Variants in DYM observed in about 807,000 individuals in gnomAD.
DYM encodes dymeclin.
DYM carries 78 observed loss-of-function variants against 93.1 expected under a neutral mutation model. The ratio of observed to expected loss-of-function variants is 0.84; its 90% CI spans 0.70 to 1.01. The LOEUF (loss-of-function observed/expected upper bound fraction) is 1.01. Ranked by LOEUF, DYM falls within the 50% of genes least tolerant of loss-of-function variation. DYM has a pLI of 0.00. For missense variants in DYM, 789 were observed against 845.0 expected (o/e 0.93, Z 0.82); for synonymous variants, 321 against 319.7 (o/e 1.00, Z -0.04).
In DYM at chr18:49,184,544, T is replaced by C. The variant is rs113229182; in HGVS notation, c.1626-20757A>G. Among the ~76,000 whole-genome samples, 1,252 of 152,268 alleles carry C rather than the reference T, an allele frequency of 8.2e-3. 24 individuals carry two copies. The highest frequency in any genetic ancestry group is 0.025 in the African/African-American group (1,030 of 41,550). On this transcript the variant is annotated intron_variant, in intron 14 of 17. Transcript: ENST00000675505. ...GATACATTCTAAGACCCCCAGTGGA[T>C]TCCCAAAACCATGGATAGTAGCAAA... is the stretch of plus-strand genomic sequence containing the variant.
intron 13 of DYM, among the ~76,000 whole-genome samples, chr18:49,225,874 T>C (rs1055242383): frequency 3.3e-5 from 5 of 152,170 alleles, no homozygotes; most frequent in African/African-American, 1.2e-4. Context: ...TATAATATCT[T>C]TGTCAAATTA....
intron 15 of DYM, among the ~76,000 whole-genome samples, chr18:49,145,506 T>A (rs1677547921): frequency 6.6e-6 from 1 of 152,204 alleles, no homozygotes; most frequent in Admixed American, 6.5e-5. Flanking sequence ...TCGAGTTTCA[T>A]TCCTCTTTCA....
At chr18:49,375,398 A>AT (rs911277343) in intron 5 of DYM, among the ~76,000 whole-genome samples, 2 of 152,068 alleles carry the variant, frequency 1.3e-5, no homozygotes, top group Admixed American at 6.5e-5. Flanking sequence ...GAAATTTAAC[A>AT]TTTTTTTAAC....
At chr18:49,195,108 G>A (rs1647257498) in intron 14 of DYM, among the ~76,000 whole-genome samples, 1 of 151,942 alleles carries the variant, frequency 6.6e-6, no homozygotes, top group African/African-American at 2.4e-5. Context: ...CAGAGTAAAT[G>A]TTACTTTATG....
intron 6 of DYM, among the ~76,000 whole-genome samples, chr18:49,348,539 C>A (rs2064812261): frequency 6.6e-6 from 1 of 151,908 alleles, no homozygotes; most frequent in Non-Finnish European, 1.5e-5. Flanking sequence ...CATTACCTAT[C>A]AACTTCATCA....
intron 1 of DYM, among the ~76,000 whole-genome samples, chr18:49,445,885 T>C (rs992712005): frequency 3.9e-5 from 6 of 152,106 alleles, no homozygotes; most frequent in Non-Finnish European, 7.4e-5. Context: ...CATGGTGAAG[T>C]ACTCACCAGC....
chr18:49,080,486 G>A (rs1207774227), intron 17 of DYM, among the ~76,000 whole-genome samples: 14 of 135,388 alleles, frequency 1.0e-4, no homozygotes, highest in South Asian at 7.5e-4. Context: ...CTCACCTCCC[G>A]GACGGGGCGG....
chr18:49,254,861 T>A (rs746421440), intron 13 of DYM, among the ~76,000 whole-genome samples: 18 of 152,098 alleles, frequency 1.2e-4, no homozygotes, highest in Non-Finnish European at 2.4e-4. Context: ...ATTAACTCTG[T>A]TATGGTGAAA....
chr18:49,216,419 C>G (rs184486317), intron 13 of DYM, among the ~76,000 whole-genome samples: 86 of 152,326 alleles, frequency 5.6e-4, no homozygotes, highest in African/African-American at 2.0e-3. Context: ...AAGCACACAG[C>G]TGGAGATCTG....
At chr18:49,284,288 C>T (rs905669240) in intron 9 of DYM, among the ~76,000 whole-genome samples, 2 of 152,152 alleles carry the variant, frequency 1.3e-5, no homozygotes, top group African/African-American at 4.8e-5. Context: ...TCAAACATGT[C>T]ATTATTCTGA....
At chr18:49,317,623 C>T (rs1345751159) in intron 8 of DYM, among the ~76,000 whole-genome samples, 18 of 35,752 alleles carry the variant, frequency 5.0e-4, no homozygotes, top group African/African-American at 9.2e-4. Flanking sequence ...CTCCCTCCCT[C>T]CCTCCCTCTC....
At chr18:49,299,784 C>T (rs566750476) in intron 8 of DYM, among the ~76,000 whole-genome samples, 1 of 152,080 alleles carries the variant, frequency 6.6e-6, no homozygotes, top group East Asian at 1.9e-4. Flanking sequence ...TGGCTCACGC[C>T]TGTAATCCCA....
At chr18:49,264,005 A>G (rs2094530900) in intron 11 of DYM, among the ~76,000 whole-genome samples, 1 of 151,922 alleles carries the variant, frequency 6.6e-6, no homozygotes, top group Non-Finnish European at 1.5e-5. Context: ...AAATGTTAGT[A>G]TTCTTGCTTC....
chr18:49,236,785 A>T (rs1000188792), intron 13 of DYM, among the ~76,000 whole-genome samples: 2 of 152,188 alleles, frequency 1.3e-5, no homozygotes, highest in Non-Finnish European at 2.9e-5. Flanking sequence ...CCAGCCTCTG[A>T]GGTAGAGGAT....
intron 5 of DYM, among the ~76,000 whole-genome samples, chr18:49,372,024 A>G (rs2067088563): frequency 6.6e-6 from 1 of 152,258 alleles, no homozygotes; most frequent in East Asian, 1.9e-4. Context: ...GAATAAGCCA[A>G]CATACCTAAG....
intron 10 of DYM, among the ~76,000 whole-genome samples, chr18:49,276,469 G>C (rs991217667): frequency 6.6e-6 from 1 of 151,938 alleles, no homozygotes; most frequent in Non-Finnish European, 1.5e-5. Flanking sequence ...CTTTAATTCT[G>C]AAAGAACTAT....
chr18:49,281,256 C>A (rs549696208), intron 10 of DYM, among the ~76,000 whole-genome samples: 1 of 152,308 alleles, frequency 6.6e-6, no homozygotes, highest in South Asian at 2.1e-4. Context: ...CAATGAGATA[C>A]CATCTCACAC....
At chr18:49,351,691 T>C (rs1242588375) in intron 6 of DYM, among the ~76,000 whole-genome samples, 1 of 152,020 alleles carries the variant, frequency 6.6e-6, no homozygotes, top group Non-Finnish European at 1.5e-5. Context: ...TTCAAAACTC[T>C]AGGGAATACT....
At chr18:49,215,198 A>G (rs1011706034) in intron 13 of DYM, among the ~76,000 whole-genome samples, 5 of 152,240 alleles carry the variant, frequency 3.3e-5, no homozygotes, top group African/African-American at 4.8e-5. Context: ...CAGTCTTTAA[A>G]TAGATGAGGA....
Sources: gnomAD v4.1 joint callset for allele counts (sites outside exome capture counted in the v4.1 genomes callset) on GRCh38, gnomAD v4.1.1 for gene constraint, MANE v1.5 for transcripts, NCBI Gene and HGNC (gene_info 2026-07-23, HGNC 2026-07-21) for gene names.